Variants in GRIP1 observed in about 807,000 individuals in gnomAD.
GRIP1 encodes glutamate receptor-interacting protein 1.
In GRIP1, 45 loss-of-function variants were observed where a neutral mutation model predicts 129.9. That is an observed-to-expected ratio of 0.35 (90% CI 0.27 to 0.44). GRIP1 has a LOEUF of 0.44. Ranked by LOEUF, GRIP1 falls within the 20% of genes least tolerant of loss-of-function variation. The probability of loss-of-function intolerance (pLI) is 1.00; values close to 1 mark genes in which losing one functional copy is unlikely to be tolerated. For missense variants in GRIP1, 1,196 were observed against 1,396.8 expected (o/e 0.86, Z 2.29); for synonymous variants, 530 against 520.8 (o/e 1.02, Z -0.24).
Position 66,379,383 on chromosome 12 carries a change from G to T in GRIP1, c.2518C>A (p.Pro840Thr). The T allele has an allele frequency of 6.2e-7, 1 of 1,614,040 alleles. No homozygotes were observed. The highest frequency in any genetic ancestry group is 1.3e-5 in the African/African-American group (1 of 75,042). The change falls in exon 20 of 25, where the codon CCA becomes ACA. Residue 840 changes from proline (P) to threonine (T), a missense_variant. Around this residue, in one of 5 missense-constraint regions of GRIP1, gnomAD observed 427 missense variants for 463.3 expected, o/e 0.92. Transcript: ENST00000359742. ...YNFNTYDWRSPKQRGSLSPVT... is the reference protein window; with the variant it reads ...YNFNTYDWRSTKQRGSLSPVT... ...GGGGACAAGCTGCCTCTCTGTTTTG[G>T]ACTCCTCCAGTCATAGGTGTTGAAA...
At chr12:66,760,243 A>C (rs912884826) in intron 1 of GRIP1, among the ~76,000 whole-genome samples, 2 of 152,042 alleles carry the variant, frequency 1.3e-5, no homozygotes, top group Non-Finnish European at 2.9e-5. Context: ...TGAGCCCTCC[A>C]AACTGTTTCA....
At chr12:67,021,193 T>C (rs941638196) in intron 1 of GRIP1, among the ~76,000 whole-genome samples, 8 of 152,180 alleles carry the variant, frequency 5.3e-5, no homozygotes, top group African/African-American at 1.9e-4. Flanking sequence ...TGGAATTGGA[T>C]ATCCAATATG....
At chr12:66,637,309 G>A (rs12311008) in intron 1 of GRIP1, among the ~76,000 whole-genome samples, 3,210 of 152,154 alleles carry the variant, frequency 0.021, 114 homozygotes, top group African/African-American at 0.073. Flanking sequence ...ATCTTTGAGG[G>A]ATATAGAGGG....
At chr12:66,517,615 T>C (rs1457343105) in intron 6 of GRIP1, among the ~76,000 whole-genome samples, 1 of 152,166 alleles carries the variant, frequency 6.6e-6, no homozygotes, top group African/African-American at 2.4e-5. Flanking sequence ...CAATCTTTGA[T>C]AAAACTGATC....
In GRIP1 at chr12:66,474,004, C is replaced by A. The variant is rs189403687; in HGVS notation, c.725-8582G>T. 2.6e-4 allele frequency among the ~76,000 whole-genome samples: 40 copies of A among 152,104 alleles called. 1 individual carries two copies. In the East Asian group the frequency reaches 7.4e-3, roughly 28 times the overall value. On this transcript the variant is annotated intron_variant, in intron 7 of 24. Transcript: ENST00000359742. ...AGTTTGATGAACTGACAGAAGTAGGCTTCAGAAGATGGGTAATAACAAACT... is the reference window on the plus strand; with the variant it reads ...AGTTTGATGAACTGACAGAAGTAGGATTCAGAAGATGGGTAATAACAAACT...
intron 5 of GRIP1, among the ~76,000 whole-genome samples, chr12:66,522,116 A>G (rs895388844): frequency 6.6e-6 from 1 of 152,222 alleles, no homozygotes; most frequent in African/African-American, 2.4e-5. Flanking sequence ...ACCTCTGCAG[A>G]CTTAAATGTC....
intron 1 of GRIP1, among the ~76,000 whole-genome samples, chr12:67,017,839 T>C (rs145717184): frequency 1.3e-5 from 2 of 152,140 alleles, no homozygotes; most frequent in East Asian, 1.9e-4. Context: ...AGAGAAGCCA[T>C]TGGGGCTTTT....
chr12:66,596,863 C>T lies in GRIP1; in HGVS notation c.120G>A (p.Arg40=), dbSNP rs1241842539. ...TGGTCTAACCTGGGATGCTCTGTCT[C>T]CTCACAGCCAACGCTCCATCAGGCG... ...TKPPDGALAV[R]RQSIPEEFKG... The change falls in exon 2 of 25, where the codon AGG becomes AGA. Residue 40 remains arginine, a synonymous_variant. Coordinates refer to ENST00000359742, the MANE Select transcript of GRIP1 (RefSeq NM_001366722.1). 1 of 1,612,518 alleles carries T rather than the reference C, an allele frequency of 6.2e-7. No homozygotes were observed. Among genetic ancestry groups the T allele is most frequent in the Non-Finnish European group, 8.5e-7 (1 of 1,178,534 alleles).
chr12:66,618,508 C>T (rs1312883454), intron 1 of GRIP1, among the ~76,000 whole-genome samples: 1 of 151,916 alleles, frequency 6.6e-6, no homozygotes, highest in African/African-American at 2.4e-5. Context: ...TAGAAACTAC[C>T]TGCTTTGAAT....
chr12:66,703,630 G>T (rs975832536), intron 1 of GRIP1, among the ~76,000 whole-genome samples: 1 of 152,044 alleles, frequency 6.6e-6, no homozygotes, highest in African/African-American at 2.4e-5. Flanking sequence ...AGAAAGAAGA[G>T]TCCAGGATGA....
At chr12:66,448,857 T>G (rs541807779) in intron 11 of GRIP1, among the ~76,000 whole-genome samples, 1 of 152,312 alleles carries the variant, frequency 6.6e-6, no homozygotes, top group Non-Finnish European at 1.5e-5. Flanking sequence ...CTGCCCTGTT[T>G]TGAATTTTCA....
At chr12:66,946,803 T>TGGGGGG (rs1160685222) in intron 1 of GRIP1, among the ~76,000 whole-genome samples, 3 of 6,234 alleles carry the variant, frequency 4.8e-4, no homozygotes, top group African/African-American at 2.0e-3. Context: ...GTGTGGGGGC[T>TGGGGGG]GGGGGGGGCG....
intron 23 of GRIP1, 45 bp from the exon 24 acceptor site, chr12:66,353,608 CTT>C (rs781553198): frequency 8.3e-6 from 13 of 1,569,064 alleles, no homozygotes; most frequent in Non-Finnish European, 1.1e-5. Flanking sequence ...GGGGTGGAGA[CTT>C]TTCCTTCTGC....
rs376337835 is a variant in GRIP1 at position 66,503,787 on chromosome 12, C to T, written c.724+11832G>A. Among the ~76,000 whole-genome samples the T allele has an allele frequency of 2.4e-3, 372 of 152,234 alleles. 3 individuals carry two copies. Among genetic ancestry groups the T allele is most frequent in the African/African-American group, 8.5e-3 (352 of 41,550 alleles). Reference sequence around the variant, plus strand: ...CTAAGGGAGAAAAGCTTGGGGGAGCCTACAGTGGCTATGAAGAGAGAGACT... The same window carrying T: ...CTAAGGGAGAAAAGCTTGGGGGAGCTTACAGTGGCTATGAAGAGAGAGACT... On this transcript the variant is annotated intron_variant, in intron 7 of 24. Coordinates refer to ENST00000359742, the MANE Select transcript of GRIP1 (RefSeq NM_001366722.1).
intron 1 of GRIP1, among the ~76,000 whole-genome samples, chr12:66,636,758 A>ACT (rs138493001): frequency 8.1e-4 from 99 of 121,834 alleles, no homozygotes; most frequent in African/African-American, 3.0e-3. Context: ...TGTGTGTCTC[A>ACT]CTCTCTCTCT....
At chr12:66,966,724 G>A (rs1177678536) in intron 1 of GRIP1, among the ~76,000 whole-genome samples, 3 of 152,150 alleles carry the variant, frequency 2.0e-5, no homozygotes, top group African/African-American at 7.2e-5. Context: ...TGAGACTGGA[G>A]TTATGTATTT....
At chr12:66,700,267 C>G (rs1328535145) in intron 1 of GRIP1, among the ~76,000 whole-genome samples, 1 of 152,086 alleles carries the variant, frequency 6.6e-6, no homozygotes, top group Non-Finnish European at 1.5e-5. Context: ...GCTGGAGCAA[C>G]AGGTGCTTTG....
intron 23 of GRIP1, among the ~76,000 whole-genome samples, chr12:66,363,458 C>T (rs1321527460): frequency 6.7e-6 from 1 of 149,564 alleles, no homozygotes; most frequent in Non-Finnish European, 1.5e-5. Flanking sequence ...ACTATGTTGC[C>T]CATGCTGGTG....
chr12:66,447,554 A>T (rs1731361587), intron 11 of GRIP1, among the ~76,000 whole-genome samples: 1 of 152,098 alleles, frequency 6.6e-6, no homozygotes, highest in South Asian at 2.1e-4. Flanking sequence ...GTTTAGCCTC[A>T]ATTTCTCTTT....
Sources: gnomAD v4.1 joint callset for allele counts (sites outside exome capture counted in the v4.1 genomes callset) on GRCh38, gnomAD v4.1.1 for gene constraint, gnomAD v4.1.1 regional missense constraint, MANE v1.5 for transcripts, NCBI Gene and HGNC (gene_info 2026-07-23, HGNC 2026-07-21) for gene names.